The following CXCR2 variants were observed in gnomAD, a reference collection of about 807,000 sequenced individuals.
CXCR2 encodes C-X-C motif chemokine receptor 2, also known as C-X-C chemokine receptor type 2.
A neutral mutation model predicts 3.7 loss-of-function variants in CXCR2; 2 were observed. The ratio of observed to expected loss-of-function variants is 0.55; its 90% CI spans 0.22 to 1.72. The LOEUF (loss-of-function observed/expected upper bound fraction) is 1.72, where lower values mean the gene tolerates loss of function less well. CXCR2 is among the 40% of genes most tolerant of loss of function. The pLI, the probability that CXCR2 is intolerant of heterozygous loss-of-function variation, is 0.19. For synonymous variants in CXCR2, 203 were observed against 193.3 expected (o/e 1.05, Z -0.41); for missense variants, 351 against 450.1 (o/e 0.78, Z 1.99).
At chr2:218,125,461 C>T (rs1173525047), upstream of CXCR2, 1 of 151,670 alleles carries the variant, frequency 6.6e-6, no homozygotes, top group East Asian at 1.9e-4. Context: ...GCATTCGTTC[C>T]TGGAGAAAAA....
At chr2:218,129,763 T>C (rs1246843705) in intron 2 of CXCR2, among the ~76,000 whole-genome samples, 4 of 152,222 alleles carry the variant, frequency 2.6e-5, no homozygotes, top group Non-Finnish European at 2.9e-5. Flanking sequence ...ACTGGAACTG[T>C]ACTAAAATGA....
At position 218,136,159 on chromosome 2, in the gene CXCR2, A is replaced by G; in HGVS notation, c.*275A>G. 2.7e-6 allele frequency: 1 copy of G among 371,674 alleles called. No homozygotes were observed. The highest frequency in any genetic ancestry group is 5.1e-6 in the Non-Finnish European group (1 of 197,782). 23.0% of individuals were successfully genotyped at this position (371,674 alleles called of 1,614,324 possible). On this transcript the variant is annotated 3_prime_UTR_variant, in exon 3 of 3. Coordinates refer to ENST00000318507, the MANE Select transcript of CXCR2 (RefSeq NM_001557.4). ...ATGGCACTCTATGTTCTAAGAAGTG[A>G]AAATCTACACTCCAGTGAGACAGCT...
chr2:218,133,112 G>T (rs1354320270), intron 2 of CXCR2, among the ~76,000 whole-genome samples: 2 of 152,010 alleles, frequency 1.3e-5, no homozygotes, highest in Admixed American at 6.6e-5. Context: ...TTAACTTCCT[G>T]GTTTTTCTCT....
chr2:218,127,682 A>G (rs1690542161), intron 1 of CXCR2, among the ~76,000 whole-genome samples: 1 of 152,132 alleles, frequency 6.6e-6, no homozygotes, highest in South Asian at 2.1e-4. Flanking sequence ...AAGTTTTTTA[A>G]ACTGAAAACC....
chr2:218,136,532 T>C lies in CXCR2; in HGVS notation c.*648T>C, dbSNP rs1690814634. The C allele has an allele frequency of 6.0e-6, 1 of 167,058 alleles. No individual in the cohort carries two copies. Among genetic ancestry groups the C allele is most frequent in the African/African-American group, 2.4e-5 (1 of 41,426 alleles). The allele number at this position is 167,058 out of a possible 1,614,324, so 10.3% of individuals were successfully genotyped here. Reference sequence around the variant, plus strand: ...GCAGAAGACAGTATGGCAGCTTTCCTCAAAACTTCAGACATAGAATTAACA... The same window carrying C: ...GCAGAAGACAGTATGGCAGCTTTCCCCAAAACTTCAGACATAGAATTAACA... On this transcript the variant is annotated 3_prime_UTR_variant, in exon 3 of 3. Coordinates refer to ENST00000318507, the MANE Select transcript of CXCR2 (RefSeq NM_001557.4).
At chr2:218,128,716 G>A (rs969569767) in intron 1 of CXCR2, among the ~76,000 whole-genome samples, 11 of 152,120 alleles carry the variant, frequency 7.2e-5, no homozygotes, top group South Asian at 2.1e-4. Context: ...CCAAGTGTGC[G>A]AAACAAGAAA....
chr2:218,136,061 G>A lies in CXCR2; in HGVS notation c.*177G>A, dbSNP rs1277688503. ...TTCCCTTGCATGGTTTAGAAAGCTT[G>A]CCCTGGTGCCTCACCCCTTGCCATA... On this transcript the variant is annotated 3_prime_UTR_variant, in exon 3 of 3. Coordinates refer to ENST00000318507, the MANE Select transcript of CXCR2 (RefSeq NM_001557.4). 1.3e-6 allele frequency: 1 copy of A among 794,532 alleles called. No individual in the cohort carries two copies. The highest frequency in any genetic ancestry group is 1.7e-5 in the African/African-American group (1 of 57,690). The allele number at this position is 794,532 out of a possible 1,614,324, so 49.2% of individuals were successfully genotyped here.
intron 2 of CXCR2, among the ~76,000 whole-genome samples, chr2:218,134,234 G>T (rs964862159): frequency 2.0e-5 from 3 of 152,154 alleles, no homozygotes; most frequent in African/African-American, 7.2e-5. Flanking sequence ...TTAATCCCCT[G>T]ATTAAAAACT....
At chr2:218,129,131 C>T (rs1333383851) in intron 1 of CXCR2, among the ~76,000 whole-genome samples, 183 bp from the exon 2 acceptor site, 1 of 152,144 alleles carries the variant, frequency 6.6e-6, no homozygotes, top group Non-Finnish European at 1.5e-5. Context: ...CAGGTCCCTT[C>T]CCAATATAAA....
At chr2:218,132,680 A>AAT (rs1213991662) in intron 2 of CXCR2, among the ~76,000 whole-genome samples, 5 of 152,236 alleles carry the variant, frequency 3.3e-5, no homozygotes, top group African/African-American at 1.2e-4. Flanking sequence ...AACATAGGAA[A>AAT]AGAACACTAA....
Position 218,135,758 on chromosome 2 carries a change from G to T in CXCR2, c.957G>T (p.Gln319His). 1.2e-6 allele frequency: 2 copies of T among 1,614,026 alleles called. No homozygotes were observed. The highest frequency in any genetic ancestry group is 1.7e-6 in the Non-Finnish European group (2 of 1,180,020). Residue 319 changes from glutamine (Q) to histidine (H), a missense_variant, in exon 3 of 3, where the codon CAG (glutamine) becomes CAT (histidine). Physicochemically the swap from Gln to His is conservative, Grantham distance 24 (BLOSUM62 0). Transcript: ENST00000318507. This position sits in a 1 kb window ranked among gnomAD's most constrained non-coding sequence, Gnocchi z 4.0. ...LNPLIYAFIGQKFRHGLLKIL... is the reference protein window; with the variant it reads ...LNPLIYAFIGHKFRHGLLKIL... ...CCCTCATCTACGCCTTCATTGGCCA[G>T]AAGTTTCGCCATGGACTCCTCAAGA...
At chr2:218,131,328 C>G (rs902606378) in intron 2 of CXCR2, among the ~76,000 whole-genome samples, 1 of 152,240 alleles carries the variant, frequency 6.6e-6, no homozygotes, top group Admixed American at 6.5e-5. Flanking sequence ...CTGGTGACTT[C>G]TTTCAGGTCT....
chr2:218,126,239 G>A lies in CXCR2; in HGVS notation c.-192G>A, dbSNP rs903632357. On this transcript the variant is annotated 5_prime_UTR_variant, in exon 1 of 3. Transcript: ENST00000318507. ...CCTGGATTTCCCCCTTGCAACCCAG[G>A]TCAGAAGTTTCATCGTCAAGGTTGT... 6.6e-6 allele frequency: 1 copy of A among 152,372 alleles called. No homozygotes were observed. Among genetic ancestry groups the A allele is most frequent in the East Asian group, 1.9e-4 (1 of 5,332 alleles). The allele number at this position is 152,372 out of a possible 1,614,324, so 9.4% of individuals were successfully genotyped here.
At position 218,137,230 on chromosome 2, in the gene CXCR2, A is replaced by T. The variant is rs181068104; in HGVS notation, c.*1346A>T. On this transcript the variant is annotated 3_prime_UTR_variant, in exon 3 of 3. Transcript: ENST00000318507. ...TCATTCAATATCTTTTTTTTAATAA[A>T]CCATTTTTACTTGGGTGTTTATATT... is the stretch of plus-strand genomic sequence containing the variant. 1 of 167,204 alleles carries T rather than the reference A, an allele frequency of 6.0e-6. No individual in the cohort carries two copies. Among genetic ancestry groups the T allele is most frequent in the East Asian group, 1.9e-4 (1 of 5,326 alleles). The allele number at this position is 167,204 out of a possible 1,614,324, so 10.4% of individuals were successfully genotyped here. A position where few individuals can be genotyped will look rare whatever the true frequency, so the allele number is the denominator to read the frequency against.
intron 2 of CXCR2, among the ~76,000 whole-genome samples, chr2:218,134,572 A>G (rs1253322659): frequency 2.0e-5 from 3 of 152,216 alleles, no homozygotes; most frequent in Non-Finnish European, 4.4e-5. Flanking sequence ...CTTATATTAA[A>G]GAGAACTATG....
At chr2:218,131,528 G>A (rs1690645994) in intron 2 of CXCR2, among the ~76,000 whole-genome samples, 2 of 145,702 alleles carry the variant, frequency 1.4e-5, no homozygotes, top group African/African-American at 2.6e-5. Context: ...GGAGTGCAGT[G>A]GCGCCATCTC....
At position 218,137,112 on chromosome 2, in the gene CXCR2, A is replaced by T. The variant is rs200153685; in HGVS notation, c.*1228A>T. On this transcript the variant is annotated 3_prime_UTR_variant, in exon 3 of 3. Coordinates refer to ENST00000318507, the MANE Select transcript of CXCR2 (RefSeq NM_001557.4). ...TGTTATGTATATTTTATATCAATTT[A>T]AAAAAAAACCTGAGCCCCAAAAGGT... 39 of 166,832 alleles carry T rather than the reference A, an allele frequency of 2.3e-4. No homozygotes were observed. The highest frequency in any genetic ancestry group is 8.7e-4 in the African/African-American group (36 of 41,396). 10.3% of individuals were successfully genotyped at this position (166,832 alleles called of 1,614,324 possible).
In CXCR2 at chr2:218,134,907, G is replaced by C; in HGVS notation, c.106G>C (p.Ala36Pro). Reference sequence around the variant, plus strand: ...TACCCTGCCCCCTTTTCTACTAGATGCCGCCCCATGTGAACCAGAATCCCT... The same window carrying C: ...TACCCTGCCCCCTTTTCTACTAGATCCCGCCCCATGTGAACCAGAATCCCT... ...SSTLPPFLLD[A>P]APCEPESLEI... Residue 36 changes from alanine (A) to proline (P), a missense_variant, in exon 3 of 3, where the codon GCC becomes CCC. Physicochemically the swap from Ala to Pro is conservative, Grantham distance 27 (BLOSUM62 -1). Transcript: ENST00000318507. 6.2e-7 allele frequency: 1 copy of C among 1,614,084 alleles called. No individual in the cohort carries two copies.
rs1690813141 is a variant in CXCR2 at position 218,136,494 on chromosome 2, T to C, written c.*610T>C. 6.0e-6 allele frequency: 1 copy of C among 167,384 alleles called. No homozygotes were observed. Among genetic ancestry groups the C allele is most frequent in the African/African-American group, 2.4e-5 (1 of 41,422 alleles). 10.4% of individuals were successfully genotyped at this position (167,384 alleles called of 1,614,324 possible). On this transcript the variant is annotated 3_prime_UTR_variant, in exon 3 of 3. Coordinates refer to ENST00000318507, the MANE Select transcript of CXCR2 (RefSeq NM_001557.4). ...AGCGTTGCTGGGGGGGATTGTAAAA[T>C]GGTGTGACCACTGCAGAAGACAGTA...
Sources: allele counts gnomAD v4.1 joint callset (sites outside exome capture counted in the v4.1 genomes callset), GRCh38; gene constraint gnomAD v4.1.1; non-coding constraint Gnocchi (gnomAD v3.1); transcripts MANE v1.5; gene names NCBI Gene and HGNC (gene_info 2026-07-23, HGNC 2026-07-21).